Variants in VKORC1L1 observed in about 807,000 individuals in gnomAD.
The protein encoded by VKORC1L1 is vitamin K epoxide reductase complex subunit 1-like protein 1.
A neutral mutation model predicts 18.9 loss-of-function variants in VKORC1L1; 2 were observed. The observed-to-expected ratio is 0.11, with a 90% CI of 0.04 to 0.33. VKORC1L1 has a LOEUF of 0.33. Among genes scored for constraint, VKORC1L1 ranks in the 10% least tolerant of loss-of-function variants. The pLI is 1.00. For missense variants in VKORC1L1, 123 were observed against 224.1 expected (o/e 0.55, Z 2.88); for synonymous variants, 96 against 100.0 (o/e 0.96, Z 0.24).
chr7:65,913,492 G>A (rs187997559), intron 1 of VKORC1L1, among the ~76,000 whole-genome samples: 73 of 152,014 alleles, frequency 4.8e-4, no homozygotes, highest in Non-Finnish European at 4.1e-4. Flanking sequence ...TTGGGAGGTC[G>A]AGGCAGGTGG....
At chr7:65,932,719 T>G (rs911813457) in intron 1 of VKORC1L1, among the ~76,000 whole-genome samples, 1 of 152,222 alleles carries the variant, frequency 6.6e-6, no homozygotes, top group Non-Finnish European at 1.5e-5. Context: ...GAAGTTTGTT[T>G]ATGATATGTT....
chr7:65,912,466 AG>A (rs1254077756), intron 1 of VKORC1L1, among the ~76,000 whole-genome samples: 4 of 152,266 alleles, frequency 2.6e-5, no homozygotes, highest in Non-Finnish European at 5.9e-5. Context: ...ATCGCATGTC[AG>A]TTTCTTCTGA....
intron 1 of VKORC1L1, among the ~76,000 whole-genome samples, chr7:65,938,610 A>T (rs937736552): frequency 6.6e-6 from 1 of 152,246 alleles, no homozygotes; most frequent in Non-Finnish European, 1.5e-5. Flanking sequence ...TTCGAAGCTC[A>T]GAATAGCATC....
At position 65,958,316 on chromosome 7, in the gene VKORC1L1, GT is replaced by G. The variant is rs1329054717; in HGVS notation, c.*4018del. ...ATTAGGTATATGATCTGTGTAGTAT[GT>G]TCCATCAGAAATATTTCTTACTAGT... On this transcript the variant is annotated 3_prime_UTR_variant, in exon 3 of 3. Coordinates refer to ENST00000360768, the MANE Select transcript of VKORC1L1 (RefSeq NM_173517.6). 4 of 152,216 alleles carry G rather than the reference GT, an allele frequency of 2.6e-5. No homozygotes were observed. The highest frequency in any genetic ancestry group is 5.9e-5 in the Non-Finnish European group (4 of 68,040). 9.4% of individuals were successfully genotyped at this position (152,216 alleles called of 1,614,324 possible). A position where few individuals can be genotyped will look rare whatever the true frequency, so the allele number is the denominator to read the frequency against.
In VKORC1L1 at chr7:65,897,152, A is replaced by T. The variant is rs545701082; in HGVS notation, c.194+23587A>T. Among the ~76,000 whole-genome samples, 182 of 152,360 alleles carry T rather than the reference A, an allele frequency of 1.2e-3. 2 individuals are homozygous for T. Among genetic ancestry groups the T allele is most frequent in the African/African-American group, 4.2e-3 (175 of 41,580 alleles). On this transcript the variant is annotated intron_variant, in intron 1 of 2. Transcript: ENST00000360768. ...CTTTAAAAAGCAGGATCGCTTGCTGATAGAAAAGACCAACAACTCAGTAGA... is the reference window on the plus strand; with the variant it reads ...CTTTAAAAAGCAGGATCGCTTGCTGTTAGAAAAGACCAACAACTCAGTAGA...
intron 1 of VKORC1L1, among the ~76,000 whole-genome samples, chr7:65,902,989 A>G (rs561730586): frequency 6.8e-6 from 1 of 147,852 alleles, no homozygotes; most frequent in African/African-American, 2.5e-5. Flanking sequence ...GCCTCAGCCT[A>G]CTGAGTAGCT....
the VKORC1L1 span, among the ~76,000 whole-genome samples, chr7:65,867,211 GAGA>G: frequency 6.6e-6 from 1 of 151,596 alleles, no homozygotes; most frequent in Non-Finnish European, 1.5e-5. Context: ...GAAGGAGAAG[GAGA>G]AGGAGTAGGA....
intron 1 of VKORC1L1, among the ~76,000 whole-genome samples, chr7:65,879,188 C>A (rs981241292): frequency 3.9e-5 from 6 of 152,102 alleles, no homozygotes; most frequent in Non-Finnish European, 8.8e-5. Context: ...TGCTCCCATA[C>A]TTTAAATGCT....
At chr7:65,895,921 CAG>C (rs1247820553) in intron 1 of VKORC1L1, among the ~76,000 whole-genome samples, 4 of 115,374 alleles carry the variant, frequency 3.5e-5, no homozygotes, top group Middle Eastern at 6.2e-3. Context: ...TTTTTTGAGA[CAG>C]AGTCTCCCTC....
upstream of VKORC1L1, among the ~76,000 whole-genome samples, chr7:65,872,577 C>T (rs1788739655): frequency 6.6e-6 from 1 of 152,194 alleles, no homozygotes; most frequent in Non-Finnish European, 1.5e-5. Context: ...ATCCACCTGC[C>T]TCGGCCTCCC....
At chr7:65,954,048 C>T (rs369670178) in intron 2 of VKORC1L1, 26 bp from the exon 3 acceptor site, 1 of 1,569,712 alleles carries the variant, frequency 6.4e-7, no homozygotes, top group East Asian at 2.3e-5. Context: ...CAAGGCCTGA[C>T]TGAGCCTGCG....
chr7:65,915,382 C>T (rs1789570625), intron 1 of VKORC1L1, among the ~76,000 whole-genome samples: 2 of 151,286 alleles, frequency 1.3e-5, no homozygotes, highest in Admixed American at 6.6e-5. Context: ...TGAGCCACCG[C>T]GCCCAGCCTT....
chr7:65,880,374 T>C lies in VKORC1L1; in HGVS notation c.194+6809T>C, dbSNP rs192468512. Among the ~76,000 whole-genome samples the C allele has an allele frequency of 3.8e-3, 583 of 152,246 alleles. 6 individuals carry two copies. Among genetic ancestry groups the C allele is most frequent in the African/African-American group, 0.013 (556 of 41,550 alleles). ...GTATTCCAGAAGTAAGTTCCTGGAG[T>C]GTTTGCCTTCTAAGGTGTGAGGACG... On this transcript the variant is annotated intron_variant, in intron 1 of 2. Transcript: ENST00000360768.
rs568973946 is a variant in VKORC1L1 at position 65,931,693 on chromosome 7, G to GT, written c.195-16977dup. Among the ~76,000 whole-genome samples, 53 of 152,264 alleles carry GT rather than the reference G, an allele frequency of 3.5e-4. 1 individual carries two copies. In the South Asian group the frequency reaches 0.011, roughly 32 times the overall value. ...GTCTCGCTCTGTGTCCCAAGCTGGAGTGCCGTGGGGTGATCTCGGCTCACT... is the reference window on the plus strand; with the variant it reads ...GTCTCGCTCTGTGTCCCAAGCTGGAGTTGCCGTGGGGTGATCTCGGCTCACT... On this transcript the variant is annotated intron_variant, in intron 1 of 2. Transcript: ENST00000360768.
chr7:65,902,078 C>T (rs1424590357), intron 1 of VKORC1L1, among the ~76,000 whole-genome samples: 1 of 152,074 alleles, frequency 6.6e-6, no homozygotes, highest in Non-Finnish European at 1.5e-5. Flanking sequence ...TAAAGAAAAA[C>T]ACAAAATCCA....
At chr7:65,913,075 G>A (rs1233663938) in intron 1 of VKORC1L1, among the ~76,000 whole-genome samples, 2 of 152,190 alleles carry the variant, frequency 1.3e-5, no homozygotes. Context: ...AATGCTGTCA[G>A]CAGCAAAACT....
intron 2 of VKORC1L1, among the ~76,000 whole-genome samples, 167 bp downstream of exon 2, chr7:65,948,947 A>C (rs1176094112): frequency 1.3e-5 from 2 of 152,136 alleles, no homozygotes; most frequent in East Asian, 3.8e-4. Flanking sequence ...TTATTATATT[A>C]TTGTTGAATT....
At position 65,956,396 on chromosome 7, in the gene VKORC1L1, A is replaced by G. The variant is rs1790295943; in HGVS notation, c.*2096A>G. 6.6e-6 allele frequency: 1 copy of G among 152,234 alleles called. No homozygotes were observed. The highest frequency in any genetic ancestry group is 2.1e-4 in the South Asian group (1 of 4,834). 9.4% of individuals were successfully genotyped at this position (152,234 alleles called of 1,614,324 possible). ...TTTTTCATCCTATTTTGTATCAATC[A>G]ACAGAGTATAGTTAAAGCTTGTCTT... On this transcript the variant is annotated 3_prime_UTR_variant, in exon 3 of 3. Transcript: ENST00000360768.
At chr7:65,920,139 C>T (rs757643693) in intron 1 of VKORC1L1, among the ~76,000 whole-genome samples, 14 of 152,038 alleles carry the variant, frequency 9.2e-5, no homozygotes, top group Admixed American at 6.6e-4. Context: ...CTCACCTCAG[C>T]GAGGCCTCCT....
Sources: allele counts gnomAD v4.1 joint callset (sites outside exome capture counted in the v4.1 genomes callset), GRCh38; gene constraint gnomAD v4.1.1; transcripts MANE v1.5; gene names NCBI Gene and HGNC (gene_info 2026-07-23, HGNC 2026-07-21).